The following COL6A1 variants were observed in gnomAD, a reference collection of about 807,000 sequenced individuals.
The protein encoded by COL6A1 is collagen type VI alpha 1 chain.
COL6A1 carries 80 observed loss-of-function variants against 145.6 expected under a neutral mutation model. That is an observed-to-expected ratio of 0.55 (90% CI 0.46 to 0.66). The LOEUF is 0.66. COL6A1 is among the 30% of genes least tolerant of loss of function. COL6A1 has a pLI of 0.00. For synonymous variants in COL6A1, 638 were observed against 622.8 expected (o/e 1.02, Z -0.36); for missense variants, 1,364 against 1,473.8 (o/e 0.93, Z 1.22).
At chr21:45,987,558 C>G (rs541060504) in intron 7 of COL6A1, 39 bp downstream of exon 7, 1 of 1,612,746 alleles carries the variant, frequency 6.2e-7, no homozygotes, top group African/African-American at 1.3e-5. Flanking sequence ...GCGCCCTGCA[C>G]CCTGGGAACC....
In COL6A1 at chr21:45,994,022, G is replaced by C; in HGVS notation, c.1336-145G>C. Reference sequence around the variant, plus strand: ...CACGTGGGCCGAGGAAACGCTTGGCGAGGCCAGGAAGGGGCTGTGCGGGGA... The same window carrying C: ...CACGTGGGCCGAGGAAACGCTTGGCCAGGCCAGGAAGGGGCTGTGCGGGGA... On this transcript the variant is annotated intron_variant, in intron 19 of 34. Transcript: ENST00000361866. This position sits in a 1 kb window ranked among gnomAD's most constrained non-coding sequence, Gnocchi z 6.8. The C allele has an allele frequency of 2.4e-6, 2 of 840,890 alleles. No individual in the cohort carries two copies. Among genetic ancestry groups the C allele is most frequent in the Non-Finnish European group, 4.0e-6 (2 of 503,982 alleles). The allele number at this position is 840,890 out of a possible 1,614,324, so 52.1% of individuals were successfully genotyped here. A position where few individuals can be genotyped will look rare whatever the true frequency, so the allele number is the denominator to read the frequency against.
At chr21:45,992,849 AG>A (rs752797453) in intron 19 of COL6A1, 39 bp downstream of exon 19, 8 of 1,553,958 alleles carry the variant, frequency 5.1e-6, no homozygotes, top group Non-Finnish European at 5.2e-6. Context: ...CACCCCAGGA[AG>A]GGGCAGGCGG....
At chr21:45,999,541 A>G (rs2077826115) in intron 26 of COL6A1, 116 bp from the exon 27 acceptor site, 11 of 1,111,948 alleles carry the variant, frequency 9.9e-6, no homozygotes, top group African/African-American at 1.6e-5. Flanking sequence ...GTAGGGAGGG[A>G]CCGGGCAGGG....
Position 46,003,846 on chromosome 21 carries a change from G to C in COL6A1, c.2920G>C (p.Val974Leu). Reference sequence around the variant, plus strand: ...AGGCATCGAGATCTTCGTGGTGGTCGTGGGCCGCCAGGTGAATGAGCCCCA... The same window carrying C: ...AGGCATCGAGATCTTCGTGGTGGTCCTGGGCCGCCAGGTGAATGAGCCCCA... The part of the protein sequence containing the change: ...RAGIEIFVVV[V>L]GRQVNEPHIR... Residue 974 changes from valine to leucine, a missense_variant, in exon 35 of 35, where the codon GTG (valine) becomes CTG (leucine). Val to Leu is a conservative substitution (Grantham distance 32, BLOSUM62 1). Coordinates refer to ENST00000361866, the MANE Select transcript of COL6A1 (RefSeq NM_001848.3). 1.2e-6 allele frequency: 2 copies of C among 1,601,450 alleles called. No homozygotes were observed. The highest frequency in any genetic ancestry group is 1.7e-6 in the Non-Finnish European group (2 of 1,171,020).
rs1266362254 is a variant in COL6A1, at chr21:45,986,732, G to A, written c.588+47G>A. On this transcript the variant is annotated intron_variant, in intron 4 of 34. Coordinates refer to ENST00000361866, the MANE Select transcript of COL6A1 (RefSeq NM_001848.3). ...CAGATGCCCCCAACCACAGGGAGTG[G>A]CGGCTGCAAGGCCCCCGGCAGCTGG... 4 of 1,535,838 alleles carry A rather than the reference G, an allele frequency of 2.6e-6. No individual in the cohort carries two copies. The Admixed American group carries it at 7.9e-5, about 30-fold the overall frequency.
chr21:45,989,818 CA>C (rs1427058193), intron 11 of COL6A1, 40 bp downstream of exon 11: 1 of 1,612,290 alleles, frequency 6.2e-7, no homozygotes, highest in Non-Finnish European at 8.5e-7. Flanking sequence ...TCTCCAGGCG[CA>C]GATGTGCCAT....
At chr21:45,998,012 C>T in intron 22 of COL6A1, 109 bp from the exon 23 acceptor site, 1 of 1,417,636 alleles carries the variant, frequency 7.1e-7, no homozygotes. Flanking sequence ...GAGCCGGCTT[C>T]TGGGCTGACG....
At position 46,002,231 on chromosome 21, in the gene COL6A1, C is replaced by T. The variant is rs1336464401; in HGVS notation, c.2080C>T (p.Leu694=). Residue 694 remains leucine, a synonymous_variant, in exon 32 of 35, where the codon CTG becomes TTG. Transcript: ENST00000361866. ...VQELKEAIKS[L]QWMAGGTFTG... ...TTTGCTATGCAGAGCCATCAAGAGC[C>T]TGCAGTGGATGGCGGGCGGCACCTT... The T allele has an allele frequency of 9.4e-6, 15 of 1,602,710 alleles. No individual in the cohort carries two copies. Among genetic ancestry groups the T allele is most frequent in the African/African-American group, 1.3e-5 (1 of 74,858 alleles).
At chr21:45,985,742 C>G (rs1177211724) in intron 3 of COL6A1, among the ~76,000 whole-genome samples, 1 of 152,234 alleles carries the variant, frequency 6.6e-6, no homozygotes, top group Non-Finnish European at 1.5e-5. Flanking sequence ...GGGAGAGCCT[C>G]TCCCCGAGGT....
rs1343618467 is a variant in COL6A1 at position 45,986,969 on chromosome 21, C to G, written c.614C>G (p.Thr205Arg). ...HLEPRLSIIA[T>R]DHTYRRNFTA... ...GAGCCGCGTCTGAGCATCATCGCCA[C>G]GGACCACACGTACCGGCGCAACTTC... The change falls in exon 5 of 35, where the codon ACG becomes AGG. Residue 205 changes from threonine (T) to arginine (R), a missense_variant. By Grantham distance (71) the Thr-to-Arg change is moderately conservative. Transcript: ENST00000361866. 6.4e-7 allele frequency: 1 copy of G among 1,552,350 alleles called. No homozygotes were observed. The highest frequency in any genetic ancestry group is 8.7e-7 in the Non-Finnish European group (1 of 1,150,056).
chr21:45,982,535 CTG>C, intron 1 of COL6A1, 97 bp from the exon 2 acceptor site: 8 of 1,570,104 alleles, frequency 5.1e-6, no homozygotes, highest in South Asian at 1.1e-5. Flanking sequence ...GCCCGGGGCT[CTG>C]TGCTGCAGGC....
Position 45,984,465 on chromosome 21 carries a change from G to A in COL6A1, c.424G>A (p.Val142Met), listed in dbSNP as rs144282452. 8.7e-6 allele frequency: 14 copies of A among 1,609,338 alleles called. No individual in the cohort carries two copies. Among genetic ancestry groups the A allele is most frequent in the African/African-American group, 2.7e-5 (2 of 75,064 alleles). ...CAAGAAGGGGCTGGAGCAGCTCCTC[G>A]TGGGGTGAGTGGCCCCCAGCCTCCT... ...AIKKGLEQLL[V>M]GGSHLKENKY... Residue 142 changes from valine to methionine, a missense_variant, in exon 3 of 35, where the codon GTG becomes ATG. Physicochemically the swap from Val to Met is conservative, Grantham distance 21. Transcript: ENST00000361866.
At chr21:46,000,923 G>C (rs888852079) in intron 29 of COL6A1, 156 bp downstream of exon 29, 30 of 992,974 alleles carry the variant, frequency 3.0e-5, no homozygotes, top group African/African-American at 8.0e-5. Flanking sequence ...CTCCAAGCCA[G>C]CAGGGTTCCC....
rs201456885 is a variant in COL6A1 at position 46,003,924 on chromosome 21, G to A, written c.2998G>A (p.Glu1000Lys). ...GGCCGAGTACGACGTGGCCTACGGC[G>A]AGAGCCACCTGTTCCGTGTCCCCAG... is the stretch of plus-strand genomic sequence containing the variant. ...KTAEYDVAYG[E>K]SHLFRVPSYQ... Residue 1000 changes from glutamate to lysine, a missense_variant, in exon 35 of 35, where the codon GAG becomes AAG. By Grantham distance (56) the Glu-to-Lys change is moderately conservative. Around this residue, in one of 3 missense-constraint regions of COL6A1, gnomAD observed 938 missense variants for 1,003.8 expected, o/e 0.93. Transcript: ENST00000361866. The A allele has an allele frequency of 2.1e-5, 34 of 1,609,286 alleles. No individual in the cohort carries two copies. The East Asian group carries it at 4.5e-4, about 21-fold the overall frequency.
chr21:45,989,370 G>C (rs1032597471), intron 9 of COL6A1, among the ~76,000 whole-genome samples: 1 of 152,188 alleles, frequency 6.6e-6, no homozygotes, highest in African/African-American at 2.4e-5. Context: ...GGTGGCCCAG[G>C]GTGCTCAGGC....
At chr21:46,000,272 A>T in intron 27 of COL6A1, 59 bp from the exon 28 acceptor site, 3 of 1,605,664 alleles carry the variant, frequency 1.9e-6, no homozygotes, top group Non-Finnish European at 2.6e-6. Flanking sequence ...CCAGCAGCCC[A>T]CAGTCCCCGC....
intron 3 of COL6A1, among the ~76,000 whole-genome samples, chr21:45,984,681 G>GAGTGAC (rs1556424348): frequency 6.6e-6 from 1 of 151,920 alleles, no homozygotes; most frequent in Non-Finnish European, 1.5e-5. Flanking sequence ...CAGACACAGA[G>GAGTGAC]AGAGACAGAG....
rs765993449 is a variant in COL6A1 at position 45,998,431 on chromosome 21, A to G, written c.1609A>G (p.Asn537Asp). 5 of 1,613,290 alleles carry G rather than the reference A, an allele frequency of 3.1e-6. No individual in the cohort carries two copies. Among genetic ancestry groups the G allele is most frequent in the Non-Finnish European group, 4.2e-6 (5 of 1,179,998 alleles). The change falls in exon 24 of 35, where the codon AAC (asparagine) becomes GAC (aspartate). Residue 537 changes from asparagine to aspartate, a missense_variant and splice_region_variant. By Grantham distance (23) the Asn-to-Asp change is conservative. This residue lies in a region of COL6A1 where 938 missense variants were observed against 1,003.8 expected (regional missense o/e 0.93). Coordinates refer to ENST00000361866, the MANE Select transcript of COL6A1 (RefSeq NM_001848.3). ...YPGNRGAPGI[N>D]GTKGYPGLKG... is the part of the protein sequence containing the mutation. ...GGGCAACAGGGGCGCTCCCGGGATA[A>G]ACGTGAGTACGCCCCCTCCTCCATC...
intron 1 of COL6A1, 37 bp downstream of exon 1, chr21:45,981,984 C>T (rs774855389): frequency 2.0e-6 from 3 of 1,509,088 alleles, no homozygotes; most frequent in African/African-American, 1.4e-5. Flanking sequence ...CCAGACCCCC[C>T]GCTCTTTGCT....
Sources: gnomAD v4.1 joint callset for allele counts (sites outside exome capture counted in the v4.1 genomes callset) on GRCh38, gnomAD v4.1.1 for gene constraint, gnomAD v4.1.1 regional missense constraint, Gnocchi (gnomAD v3.1) non-coding constraint, MANE v1.5 for transcripts, NCBI Gene and HGNC (gene_info 2026-07-23, HGNC 2026-07-21) for gene names.